CSMD1: variants seen among roughly 807,000 people sequenced by gnomAD.
CSMD1 encodes the protein CUB and sushi domain-containing protein 1.
Under a neutral mutation model 417.5 loss-of-function variants are expected in CSMD1, and 213 were observed. The observed-to-expected ratio is 0.51, with a 90% CI of 0.46 to 0.57. CSMD1 has a LOEUF of 0.57. Ranked by LOEUF, CSMD1 falls within the 20% of genes least tolerant of loss-of-function variation. The probability of loss-of-function intolerance (pLI) is 0.00; values close to 1 mark genes in which losing one functional copy is unlikely to be tolerated. For synonymous variants in CSMD1, 2,862 were observed against 1,736.8 expected (o/e 1.65, Z -16.11); for missense variants, 6,923 against 4,529.7 (o/e 1.53, Z -15.17).
intron 7 of CSMD1, among the ~76,000 whole-genome samples, chr8:3,695,555 C>T (rs1186666714): frequency 1.3e-5 from 2 of 151,858 alleles, no homozygotes; most frequent in African/African-American, 2.4e-5. Flanking sequence ...TTGCTTTCCA[C>T]CAAATAAAAG....
intron 1 of CSMD1, among the ~76,000 whole-genome samples, chr8:4,795,152 C>T (rs1797906277): frequency 1.3e-5 from 2 of 148,424 alleles, no homozygotes; most frequent in South Asian, 2.2e-4. Flanking sequence ...GTAAAGACGT[C>T]TAAGAATGTA....
At chr8:3,614,373 C>T (rs1802036908) in intron 8 of CSMD1, among the ~76,000 whole-genome samples, 1 of 152,064 alleles carries the variant, frequency 6.6e-6, no homozygotes, top group Non-Finnish European at 1.5e-5. Context: ...ATCAACACAG[C>T]CCTCAGACTT....
At chr8:4,572,367 C>T (rs138432266) in intron 2 of CSMD1, among the ~76,000 whole-genome samples, 3,325 of 152,244 alleles carry the variant, frequency 0.022, 117 homozygotes, top group African/African-American at 0.076. Flanking sequence ...ATTTCTCCTT[C>T]GCTTATGAAG....
At chr8:3,704,393 G>T (rs1023565646) in intron 7 of CSMD1, among the ~76,000 whole-genome samples, 1 of 152,142 alleles carries the variant, frequency 6.6e-6, no homozygotes, top group Non-Finnish European at 1.5e-5. Context: ...GGAGGAGGGG[G>T]CCTTCCTAAA....
At chr8:4,851,045 C>A (rs1232542263) in intron 1 of CSMD1, among the ~76,000 whole-genome samples, 1 of 151,750 alleles carries the variant, frequency 6.6e-6, no homozygotes, top group Non-Finnish European at 1.5e-5. Flanking sequence ...GTGTGCTGCA[C>A]CCATTAACAC....
chr8:4,761,180 G>A (rs866013259), intron 1 of CSMD1, among the ~76,000 whole-genome samples: 46 of 152,078 alleles, frequency 3.0e-4, no homozygotes, highest in African/African-American at 1.0e-3. Context: ...CGAAATCTAA[G>A]GGACTAGCTG....
intron 23 of CSMD1, among the ~76,000 whole-genome samples, chr8:3,339,789 A>G (rs1247899904): frequency 6.6e-6 from 1 of 152,202 alleles, no homozygotes; most frequent in Non-Finnish European, 1.5e-5. Flanking sequence ...GCGAAGAAGT[A>G]CAAACAAGTG....
At chr8:4,397,582 C>T (rs1804337811) in intron 3 of CSMD1, among the ~76,000 whole-genome samples, 1 of 141,884 alleles carries the variant, frequency 7.0e-6, no homozygotes, top group Admixed American at 7.6e-5. Context: ...TTGCCCAGGC[C>T]ACAGTGCAGC....
intron 1 of CSMD1, among the ~76,000 whole-genome samples, chr8:4,745,823 G>C (rs371511021): frequency 3.9e-5 from 6 of 152,212 alleles, no homozygotes; most frequent in Non-Finnish European, 7.4e-5. Flanking sequence ...CAAATGAGGG[G>C]TGAAGAAGAT....
intron 26 of CSMD1, among the ~76,000 whole-genome samples, chr8:3,275,317 TC>T (rs1196319938): frequency 6.6e-6 from 1 of 152,176 alleles, no homozygotes; most frequent in Non-Finnish European, 1.5e-5. Flanking sequence ...CTGATGGGCT[TC>T]CCTTTGAGGG....
chr8:3,579,429 A>G (rs1800289599), intron 9 of CSMD1, among the ~76,000 whole-genome samples: 1 of 152,240 alleles, frequency 6.6e-6, no homozygotes, highest in Non-Finnish European at 1.5e-5. Context: ...AATTACTTGA[A>G]AGAAGAAACA....
intron 3 of CSMD1, among the ~76,000 whole-genome samples, chr8:4,032,377 G>A (rs920172174): frequency 3.3e-5 from 5 of 152,286 alleles, no homozygotes; most frequent in African/African-American, 1.2e-4. Context: ...TCCAGATAAT[G>A]TCTGGATTAT....
At chr8:4,445,879 C>T (rs1279455911) in intron 2 of CSMD1, among the ~76,000 whole-genome samples, 3 of 152,284 alleles carry the variant, frequency 2.0e-5, no homozygotes, top group East Asian at 3.9e-4. Context: ...TGGAGAAGGG[C>T]ACAAGAGGAG....
chr8:4,731,732 G>T (rs1318329965), intron 1 of CSMD1, among the ~76,000 whole-genome samples: 3 of 152,108 alleles, frequency 2.0e-5, no homozygotes, highest in Non-Finnish European at 4.4e-5. Context: ...AGGAACAGCA[G>T]CCACAGCAGT....
At position 3,518,571 on chromosome 8, in the gene CSMD1, T is replaced by G. The variant is rs144744137; in HGVS notation, c.1345-24845A>C. Among the ~76,000 whole-genome samples, 748 of 152,268 alleles carry G rather than the reference T, an allele frequency of 4.9e-3. 5 individuals carry two copies. The highest frequency in any genetic ancestry group is 0.017 in the African/African-American group (714 of 41,548). The stretch of plus-strand genomic sequence containing the variant: ...AATGCAGTATCTATGTGAAAGTAAA[T>G]TAGAATGCAACAATACAGCTTTTCA... On this transcript the variant is annotated intron_variant, in intron 10 of 69. Transcript: ENST00000635120.
intron 2 of CSMD1, among the ~76,000 whole-genome samples, chr8:4,572,373 T>C (rs532604341): frequency 6.6e-6 from 1 of 152,228 alleles, no homozygotes; most frequent in Admixed American, 6.5e-5. Context: ...CCTTCGCTTA[T>C]GAAGCTTAGT....
chr8:2,964,862 C>T (rs1803824013), intron 59 of CSMD1, among the ~76,000 whole-genome samples: 1 of 152,192 alleles, frequency 6.6e-6, no homozygotes, highest in Admixed American at 6.5e-5. Context: ...ATTTAAGCCT[C>T]TGCCACATTT....
intron 4 of CSMD1, among the ~76,000 whole-genome samples, chr8:4,025,183 C>T (rs1433194569): frequency 6.6e-6 from 1 of 152,208 alleles, no homozygotes; most frequent in Non-Finnish European, 1.5e-5. Flanking sequence ...TGCACCCCCT[C>T]CTGGGGGAGT....
intron 1 of CSMD1, among the ~76,000 whole-genome samples, chr8:4,711,848 A>G (rs1808321288): frequency 6.6e-6 from 1 of 152,206 alleles, no homozygotes; most frequent in African/African-American, 2.4e-5. Flanking sequence ...TATCATAATA[A>G]TGATCTTTGT....
Sources: allele counts gnomAD v4.1 joint callset (sites outside exome capture counted in the v4.1 genomes callset), GRCh38; gene constraint gnomAD v4.1.1; transcripts MANE v1.5; gene names NCBI Gene and HGNC (gene_info 2026-07-23, HGNC 2026-07-21).